CNTLN: variants seen among roughly 807,000 people sequenced by gnomAD.
The protein encoded by CNTLN is centlein, centrosomal protein.
CNTLN carries 212 observed loss-of-function variants against 180.0 expected under a neutral mutation model. The ratio of observed to expected loss-of-function variants is 1.18; its 90% CI spans 1.05 to 1.32. The LOEUF is 1.32. Among genes scored for constraint, CNTLN ranks in the 40% most tolerant of loss-of-function variants. CNTLN has a pLI of 0.00. For synonymous variants in CNTLN, 722 were observed against 563.1 expected, an observed-to-expected ratio of 1.28 and a Z score of -3.99; for missense variants, 2,095 against 1,610.9, an observed-to-expected ratio of 1.30 and a Z score of -5.14.
chr9:17,284,484 T>G (rs1165588839), intron 6 of CNTLN, among the ~76,000 whole-genome samples: 1 of 152,142 alleles, frequency 6.6e-6, no homozygotes, highest in African/African-American at 2.4e-5. Flanking sequence ...TGGCTCAGTT[T>G]TGGGAGGGTG....
At chr9:17,147,201 C>T (rs1818514206) in intron 2 of CNTLN, among the ~76,000 whole-genome samples, 1 of 152,174 alleles carries the variant, frequency 6.6e-6, no homozygotes, top group Non-Finnish European at 1.5e-5. Context: ...AGATAGACTT[C>T]ATTGTAGTGA....
intron 15 of CNTLN, among the ~76,000 whole-genome samples, chr9:17,402,370 T>G (rs1007745945): frequency 1.3e-5 from 2 of 151,522 alleles, no homozygotes; most frequent in Admixed American, 1.3e-4. Context: ...AGAGAGAAAA[T>G]TGGTGTCCGG....
intron 14 of CNTLN, among the ~76,000 whole-genome samples, chr9:17,393,746 A>C (rs1331423206): frequency 6.6e-6 from 1 of 152,308 alleles, no homozygotes; most frequent in South Asian, 2.1e-4. Flanking sequence ...TCTAAATGTA[A>C]GTCAACTCCT....
At chr9:17,187,089 T>C (rs970852526) in intron 2 of CNTLN, among the ~76,000 whole-genome samples, 1 of 152,060 alleles carries the variant, frequency 6.6e-6, no homozygotes, top group Admixed American at 6.5e-5. Context: ...TTCAGAAAGA[T>C]TTTGTCATAA....
chr9:17,274,917 C>T (rs1032119991), intron 6 of CNTLN, among the ~76,000 whole-genome samples: 4 of 151,944 alleles, frequency 2.6e-5, no homozygotes, highest in Admixed American at 2.6e-4. Context: ...TTACTGAAGC[C>T]AATAAAGTTA....
At chr9:17,521,120 T>C in the CNTLN span, among the ~76,000 whole-genome samples, 1 of 152,166 alleles carries the variant, frequency 6.6e-6, no homozygotes, top group African/African-American at 2.4e-5. Context: ...CAAGGTGATG[T>C]TTTAAAATGA....
chr9:17,378,979 A>G (rs891513055), intron 13 of CNTLN, among the ~76,000 whole-genome samples: 14 of 152,184 alleles, frequency 9.2e-5, no homozygotes, highest in African/African-American at 3.1e-4. Flanking sequence ...CAGCTGTCAT[A>G]CACCTGAAAA....
intron 9 of CNTLN, 136 bp from the exon 10 acceptor site, chr9:17,332,469 C>G (rs75104055): frequency 2.7e-6 from 2 of 746,432 alleles, no homozygotes; most frequent in Non-Finnish European, 4.1e-6. Context: ...TGTTATTTCT[C>G]TGGTATTCCA....
At chr9:17,302,089 TACACACACAC>T (rs35043839) in intron 7 of CNTLN, 15 of 927,934 alleles carry the variant, frequency 1.6e-5, no homozygotes, top group African/African-American at 9.7e-5. Flanking sequence ...CACATATGTG[TACACACACAC>T]ACACACACAC....
intron 2 of CNTLN, among the ~76,000 whole-genome samples, chr9:17,146,223 T>C (rs1394592977): frequency 6.6e-6 from 1 of 152,204 alleles, no homozygotes; most frequent in Non-Finnish European, 1.5e-5. Flanking sequence ...TTCTTCATTG[T>C]ATTCTTTGTT....
intron 12 of CNTLN, among the ~76,000 whole-genome samples, chr9:17,343,602 T>A (rs561641562): frequency 6.6e-6 from 1 of 152,216 alleles, no homozygotes; most frequent in Non-Finnish European, 1.5e-5. Context: ...GGCTCTTATC[T>A]TGAAAACTAT....
chr9:17,335,672 T>C (rs1048450437), intron 10 of CNTLN, among the ~76,000 whole-genome samples: 1 of 152,102 alleles, frequency 6.6e-6, no homozygotes, highest in Admixed American at 6.6e-5. Context: ...GCACGATGGC[T>C]CAGGCCTGTA....
At chr9:17,188,533 TG>T (rs1400160938) in intron 2 of CNTLN, among the ~76,000 whole-genome samples, 3 of 152,328 alleles carry the variant, frequency 2.0e-5, no homozygotes, top group Non-Finnish European at 4.4e-5. Context: ...CAATATTGTT[TG>T]GGAAAGACTA....
intron 8 of CNTLN, among the ~76,000 whole-genome samples, chr9:17,317,957 G>C (rs1296007559): frequency 6.6e-6 from 1 of 151,962 alleles, no homozygotes; most frequent in East Asian, 1.9e-4. Context: ...TTGTAGAAGA[G>C]CAACATGGAA....
chr9:17,135,429 T>C lies in CNTLN; in HGVS notation c.360+4T>C. 6.3e-7 allele frequency: 1 copy of C among 1,591,288 alleles called. No homozygotes were observed. On this transcript the variant is annotated splice_donor_region_variant and intron_variant, in intron 1 of 25. Coordinates refer to ENST00000380647, the MANE Select transcript of CNTLN (RefSeq NM_017738.4). Reference sequence around the variant, plus strand: ...GGAGGAGTTGGCCCTGTGTCAGGTATCGAGGAGTCTCGCAGTCCCCCTTTC... The same window carrying C: ...GGAGGAGTTGGCCCTGTGTCAGGTACCGAGGAGTCTCGCAGTCCCCCTTTC...
chr9:17,236,348 T>C, intron 4 of CNTLN, 61 bp from the exon 5 acceptor site: 1 of 1,391,524 alleles, frequency 7.2e-7, no homozygotes, highest in Non-Finnish European at 9.6e-7. Flanking sequence ...GTGCTCACCA[T>C]TTTTTGGGTT....
chr9:17,296,385 A>G (rs1208539136), intron 6 of CNTLN, among the ~76,000 whole-genome samples: 1 of 152,152 alleles, frequency 6.6e-6, no homozygotes, highest in Non-Finnish European at 1.5e-5. Flanking sequence ...CAGACCAGCT[A>G]CGGATTCGGG....
the CNTLN span, among the ~76,000 whole-genome samples, chr9:17,513,372 C>T: frequency 1.3e-5 from 2 of 151,370 alleles, no homozygotes; most frequent in African/African-American, 2.4e-5. Flanking sequence ...TAAAAATGAA[C>T]TGAAAAAATT....
At chr9:17,189,402 A>T (rs1485795926) in intron 2 of CNTLN, among the ~76,000 whole-genome samples, 1 of 150,834 alleles carries the variant, frequency 6.6e-6, no homozygotes, top group Non-Finnish European at 1.5e-5. Flanking sequence ...TTTAAACTTC[A>T]TTAGTGCAGG....
Sources: gnomAD v4.1 joint callset for allele counts (sites outside exome capture counted in the v4.1 genomes callset) on GRCh38, gnomAD v4.1.1 for gene constraint, MANE v1.5 for transcripts, NCBI Gene and HGNC (gene_info 2026-07-23, HGNC 2026-07-21) for gene names.